ITPRID1: variants seen among roughly 807,000 people sequenced by gnomAD.
ITPRID1 encodes the protein protein ITPRID1.
A neutral mutation model predicts 95.4 loss-of-function variants in ITPRID1; 96 were observed. The observed-to-expected ratio is 1.01, with a 90% confidence interval of 0.85 to 1.19. The LOEUF (loss-of-function observed/expected upper bound fraction) is 1.19. Ranked by LOEUF, ITPRID1 falls within the 50% of genes most tolerant of loss-of-function variation. The probability of loss-of-function intolerance (pLI) is 0.00; values close to 1 mark genes in which losing one functional copy is unlikely to be tolerated. For missense variants in ITPRID1, 1,339 were observed against 1,252.9 expected (o/e 1.07, Z -1.04); for synonymous variants, 510 against 453.6 (o/e 1.12, Z -1.58).
intron 10 of ITPRID1, among the ~76,000 whole-genome samples, chr7:31,598,080 T>G (rs1297844099): frequency 6.6e-6 from 1 of 152,186 alleles, no homozygotes; most frequent in African/African-American, 2.4e-5. Context: ...ATTAAACCCT[T>G]GGTTTGGCCC....
chr7:31,621,104 A>C (rs1316558041), intron 10 of ITPRID1, among the ~76,000 whole-genome samples: 1 of 152,086 alleles, frequency 6.6e-6, no homozygotes, highest in Middle Eastern at 3.2e-3. Context: ...ATATGGGACT[A>C]TGTGAAAAGA....
intron 10 of ITPRID1, among the ~76,000 whole-genome samples, chr7:31,633,193 G>T (rs1789173624): frequency 1.3e-5 from 2 of 152,184 alleles, no homozygotes; most frequent in South Asian, 4.1e-4. Context: ...CCAGGTCTGG[G>T]GAGATTTACG....
At chr7:31,645,016 T>C (rs1790343661) in intron 12 of ITPRID1, among the ~76,000 whole-genome samples, 1 of 152,230 alleles carries the variant, frequency 6.6e-6, no homozygotes, top group Non-Finnish European at 1.5e-5. Flanking sequence ...TAAATATTTG[T>C]TGGGCTCCTA....
chr7:31,587,541 T>C (rs1283175453), intron 10 of ITPRID1, among the ~76,000 whole-genome samples: 1 of 145,980 alleles, frequency 6.9e-6, no homozygotes, highest in Non-Finnish European at 1.5e-5. Flanking sequence ...GAAGAATCAA[T>C]ATCGTGAAAA....
At position 31,549,450 on chromosome 7, in the gene ITPRID1, G is replaced by A. The variant is rs1312294340; in HGVS notation, c.-73G>A. 1 of 1,514,652 alleles carries A rather than the reference G, an allele frequency of 6.6e-7. No homozygotes were observed. Among genetic ancestry groups the A allele is most frequent in the Non-Finnish European group, 8.8e-7 (1 of 1,138,308 alleles). 93.8% of individuals were successfully genotyped at this position (1,514,652 alleles called of 1,614,324 possible). On this transcript the variant is annotated 5_prime_UTR_variant, in exon 2 of 15. Transcript: ENST00000615280. Reference sequence around the variant, plus strand: ...GTTCCTGACAGGATAAGGACAAGAAGCAACACACAGAAGAGAAGGAAAAAG... The same window carrying A: ...GTTCCTGACAGGATAAGGACAAGAAACAACACACAGAAGAGAAGGAAAAAG...
intron 10 of ITPRID1, among the ~76,000 whole-genome samples, chr7:31,638,907 G>T (rs1406462557): frequency 6.6e-6 from 1 of 152,046 alleles, no homozygotes; most frequent in Non-Finnish European, 1.5e-5. Context: ...CTCCCAAGTA[G>T]CTGGGATTAC....
chr7:31,619,187 G>A (rs767582236), intron 10 of ITPRID1, among the ~76,000 whole-genome samples: 3 of 152,194 alleles, frequency 2.0e-5, no homozygotes, highest in Non-Finnish European at 4.4e-5. Context: ...GTACAGGCAA[G>A]GTGTCCTTTC....
chr7:31,607,501 C>T (rs888344470), intron 10 of ITPRID1, among the ~76,000 whole-genome samples: 1 of 152,026 alleles, frequency 6.6e-6, no homozygotes, highest in Non-Finnish European at 1.5e-5. Context: ...GGCCTTGCTC[C>T]ATTGTCTTCT....
Position 31,645,857 on chromosome 7 carries a change from G to A in ITPRID1, c.2583+1904G>A, listed in dbSNP as rs956586540. On this transcript the variant is annotated intron_variant, in intron 12 of 14. Coordinates refer to ENST00000615280, the MANE Select transcript of ITPRID1 (RefSeq NM_001257967.3). The stretch of plus-strand genomic sequence containing the variant: ...AGCCACCACAACAATGAATTCTTTG[G>A]CCCAAAATGTCAGTAGTGTCAAGGC... Among the ~76,000 whole-genome samples the A allele has an allele frequency of 1.2e-4, 18 of 152,024 alleles. 1 individual carries two copies. The highest frequency in any genetic ancestry group is 9.2e-4 in the Admixed American group (14 of 15,270).
At position 31,554,506 on chromosome 7, in the gene ITPRID1, G is replaced by C; in HGVS notation, c.195G>C (p.Trp65Cys). Residue 65 changes from tryptophan to cysteine, a missense_variant, in exon 4 of 15, where the codon TGG (tryptophan) becomes TGC (cysteine). By Grantham distance (215) the Trp-to-Cys change is radical. Transcript: ENST00000615280. ...EDSKQESIQQWLDSGFFVSAN... is the reference protein window; with the variant it reads ...EDSKQESIQQCLDSGFFVSAN... Reference sequence around the variant, plus strand: ...CCAAGCAAGAAAGTATTCAGCAGTGGCTGGACTCTGGATTCTTGTAAGTGT... The same window carrying C: ...CCAAGCAAGAAAGTATTCAGCAGTGCCTGGACTCTGGATTCTTGTAAGTGT... 1.2e-6 allele frequency: 2 copies of C among 1,612,954 alleles called. No homozygotes were observed. The highest frequency in any genetic ancestry group is 1.7e-5 in the Admixed American group (1 of 59,934).
intron 10 of ITPRID1, among the ~76,000 whole-genome samples, chr7:31,622,984 C>A (rs1368596950): frequency 1.6e-3 from 247 of 152,040 alleles, no homozygotes; most frequent in Non-Finnish European, 2.9e-3. Context: ...ACATCTACGC[C>A]AATAAACTAG....
chr7:31,538,817 A>G (rs1783841528), intron 1 of ITPRID1, among the ~76,000 whole-genome samples: 1 of 152,172 alleles, frequency 6.6e-6, no homozygotes, highest in African/African-American at 2.4e-5. Flanking sequence ...TCTCCACTGC[A>G]AAGTTATTGT....
intron 10 of ITPRID1, among the ~76,000 whole-genome samples, chr7:31,599,551 C>T (rs1035901109): frequency 2.6e-5 from 4 of 151,926 alleles, no homozygotes; most frequent in African/African-American, 4.8e-5. Flanking sequence ...TAGAGCTGAT[C>T]GGTGGCTATG....
At chr7:31,658,700 G>A (rs773644021), downstream of ITPRID1, 4 of 165,776 alleles carry the variant, frequency 2.4e-5, no homozygotes, top group Non-Finnish European at 5.2e-5. Flanking sequence ...CCCAAACTCA[G>A]CCTCTAATTG....
chr7:31,526,655 T>C (rs1405327435), intron 1 of ITPRID1, among the ~76,000 whole-genome samples: 1 of 152,168 alleles, frequency 6.6e-6, no homozygotes, highest in Non-Finnish European at 1.5e-5. Flanking sequence ...GAAATGGTAT[T>C]GACCACTTGC....
In ITPRID1 at chr7:31,577,939, G is replaced by A. The variant is rs1785245113; in HGVS notation, c.675G>A (p.Leu225=). The A allele has an allele frequency of 6.2e-7, 1 of 1,613,554 alleles. No individual in the cohort carries two copies. The highest frequency in any genetic ancestry group is 1.1e-5 in the South Asian group (1 of 91,034). The change falls in exon 9 of 15, where the codon CTG becomes CTA. Residue 225 remains leucine (L), a synonymous_variant. Transcript: ENST00000615280. ...CTCTGCTGAGTGATGTCAGCATCCT[G>A]CCAAACAGAGCTGAAGAGAAAGCTG... ...FSSLLSDVSI[L]PNRAEEKAGG...
intron 8 of ITPRID1, among the ~76,000 whole-genome samples, chr7:31,576,546 AG>A (rs1562581405): frequency 6.6e-6 from 1 of 152,200 alleles, no homozygotes; most frequent in South Asian, 2.1e-4. Context: ...AGCTTAATTT[AG>A]GGGGGAAATG....
At chr7:31,515,942 T>C (rs772743603) in intron 1 of ITPRID1, among the ~76,000 whole-genome samples, 1 of 152,180 alleles carries the variant, frequency 6.6e-6, no homozygotes, top group Non-Finnish European at 1.5e-5. Context: ...ATAAAAGTAC[T>C]GTGTTAGGAG....
chr7:31,553,362 A>G (rs933269739), intron 3 of ITPRID1, among the ~76,000 whole-genome samples, 175 bp downstream of exon 3: 1 of 152,228 alleles, frequency 6.6e-6, no homozygotes, highest in African/African-American at 2.4e-5. Context: ...GACTTCTGCT[A>G]TAGACATCAG....
Sources: allele counts gnomAD v4.1 joint callset (sites outside exome capture counted in the v4.1 genomes callset), GRCh38; gene constraint gnomAD v4.1.1; transcripts MANE v1.5; gene names NCBI Gene and HGNC (gene_info 2026-07-23, HGNC 2026-07-21).